FAM107B: variants seen among roughly 807,000 people sequenced by gnomAD.
FAM107B encodes family with sequence similarity 107 member B.
In FAM107B, 21 loss-of-function variants were observed where a neutral mutation model predicts 31.5. That is an observed-to-expected ratio of 0.67 (90% CI 0.47 to 0.96). The LOEUF (loss-of-function observed/expected upper bound fraction) is 0.96. FAM107B is among the 40% of genes least tolerant of loss of function. The probability of loss-of-function intolerance (pLI) is 0.00; values close to 1 mark genes in which losing one functional copy is unlikely to be tolerated. For missense variants in FAM107B, 452 were observed against 377.1 expected, an observed-to-expected ratio of 1.20 and a Z score of -1.64; for synonymous variants, 157 against 141.5, an observed-to-expected ratio of 1.11 and a Z score of -0.78.
chr10:14,553,391 T>TAG, intron 2 of FAM107B: 1 of 1,126,944 alleles, frequency 8.9e-7, no homozygotes, highest in Non-Finnish European at 1.2e-6. Context: ...CATTCTCCTT[T>TAG]AAAAAAAAAA....
At chr10:14,554,509 G>C (rs1318609420) in intron 2 of FAM107B, among the ~76,000 whole-genome samples, 1 of 152,216 alleles carries the variant, frequency 6.6e-6, no homozygotes, top group African/African-American at 2.4e-5. Flanking sequence ...GCAGGAGAGG[G>C]ATGAAGGCTG....
intron 3 of FAM107B, among the ~76,000 whole-genome samples, chr10:14,524,085 A>AGGAT (rs1231032734): frequency 1.4e-5 from 2 of 147,564 alleles, no homozygotes; most frequent in Non-Finnish European, 3.0e-5. Context: ...CTTGTTGCCC[A>AGGAT]GGATGGAGTG....
rs35540585 is a variant in FAM107B at position 14,595,422 on chromosome 10, C to CTTTTTTTTTTTTTTTT, written c.470-64923_470-64908dup. ...TGGCTCAGCTTCTTCCTAGGGCAACCTTTTTTTTTTTTTTTTTTTTTGAGA... is the reference window on the plus strand; with the variant it reads ...TGGCTCAGCTTCTTCCTAGGGCAACCTTTTTTTTTTTTTTTTTTTTTTTTTTTTTTTTTTTTTGAGA... On this transcript the variant is annotated intron_variant, in intron 2 of 4. Transcript: ENST00000181796. Among the ~76,000 whole-genome samples, 2 of 98,148 alleles carry CTTTTTTTTTTTTTTTT rather than the reference C, an allele frequency of 2.0e-5. 1 individual carries two copies. The highest frequency in any genetic ancestry group is 3.9e-5 in the Non-Finnish European group (2 of 51,246). 64.4% of individuals were successfully genotyped at this position (98,148 alleles called of 152,430 possible).
chr10:14,667,901 GAC>G (rs146093130), intron 1 of FAM107B, among the ~76,000 whole-genome samples: 10,302 of 152,216 alleles, frequency 0.068, 418 homozygotes, highest in South Asian at 0.16. Flanking sequence ...GGCGTTGGGT[GAC>G]ACAACTCCAG....
chr10:14,651,070 T>G (rs1588683129), intron 2 of FAM107B, among the ~76,000 whole-genome samples: 2 of 152,158 alleles, frequency 1.3e-5, no homozygotes, highest in Non-Finnish European at 2.9e-5. Context: ...TGAGACAACC[T>G]CCAAATTAAG....
chr10:14,684,921 A>C (rs1358712906), intron 1 of FAM107B, among the ~76,000 whole-genome samples: 1 of 151,844 alleles, frequency 6.6e-6, no homozygotes, highest in Non-Finnish European at 1.5e-5. Context: ...CCGGGGCTCA[A>C]GTGATCCTCC....
At chr10:14,549,140 T>C (rs1303754897) in intron 2 of FAM107B, among the ~76,000 whole-genome samples, 2 of 152,318 alleles carry the variant, frequency 1.3e-5, no homozygotes, top group East Asian at 3.9e-4. Context: ...CTAGGACTTC[T>C]AGCCTCCACA....
intron 2 of FAM107B, among the ~76,000 whole-genome samples, chr10:14,567,511 C>A (rs572290507): frequency 6.6e-6 from 1 of 152,050 alleles, no homozygotes; most frequent in Non-Finnish European, 1.5e-5. Flanking sequence ...AGTGTTGAGG[C>A]CCTGGTGAGG....
chr10:14,530,402 G>A lies in FAM107B; in HGVS notation c.583C>T (p.Leu195=), dbSNP rs764365225. Residue 195 remains leucine (L), a synonymous_variant, in exon 3 of 5, where the codon CTG becomes TTG. Transcript: ENST00000181796. ...CGGGAGGTTTTTACAGGATTGATCA[G>A]TTTCTGAGGCCTAATGAGTTCAGGA... ...DNPELIRPQK[L]INPVKTSRNH... 6.2e-7 allele frequency: 1 copy of A among 1,614,116 alleles called. No homozygotes were observed.
chr10:14,631,220 A>G (rs1048077980), intron 2 of FAM107B, among the ~76,000 whole-genome samples: 1 of 152,088 alleles, frequency 6.6e-6, no homozygotes, highest in African/African-American at 2.4e-5. Context: ...GCAGCATCCT[A>G]TCATCCCTTC....
In FAM107B at chr10:14,682,763, GA is replaced by G. The variant is rs1854869175; in HGVS notation, c.412-15073del. ...TCAGGGGGTCGAGAGCTAGGGGAGG[GA>G]TAGCATTAGGAGAAATACCTAATGT... On this transcript the variant is annotated intron_variant, in intron 1 of 4. Coordinates refer to ENST00000181796, the MANE Select transcript of FAM107B (RefSeq NM_031453.4). 2.0e-5 allele frequency among the ~76,000 whole-genome samples: 3 copies of G among 152,138 alleles called. No homozygotes were observed. In the South Asian group the frequency reaches 6.2e-4, roughly 32 times the overall value.
At chr10:14,688,489 G>A (rs892313612) in intron 1 of FAM107B, among the ~76,000 whole-genome samples, 10 of 151,942 alleles carry the variant, frequency 6.6e-5, no homozygotes, top group Admixed American at 2.0e-4. Flanking sequence ...ATAAATACAC[G>A]TACACACAAC....
Position 14,569,989 on chromosome 10 carries a change from A to C in FAM107B, c.470-39474T>G, listed in dbSNP as rs559417429. ...TCAGTCGCTTTTCTAAAACAGAGCT[A>C]CCAATAAATATATAAATCACTGTCA... On this transcript the variant is annotated intron_variant, in intron 2 of 4. Coordinates refer to ENST00000181796, the MANE Select transcript of FAM107B (RefSeq NM_031453.4). 2.0e-5 allele frequency among the ~76,000 whole-genome samples: 3 copies of C among 152,348 alleles called. No homozygotes were observed. In the South Asian group the frequency reaches 6.2e-4, roughly 32 times the overall value.
At chr10:14,729,688 G>A (rs1296432456) in intron 1 of FAM107B, among the ~76,000 whole-genome samples, 1 of 152,154 alleles carries the variant, frequency 6.6e-6, no homozygotes, top group Non-Finnish European at 1.5e-5. Flanking sequence ...CCATTACTGG[G>A]TATATACCCA....
chr10:14,696,829 G>C (rs1347103378), intron 1 of FAM107B, among the ~76,000 whole-genome samples: 1 of 152,172 alleles, frequency 6.6e-6, no homozygotes, highest in Admixed American at 6.5e-5. Flanking sequence ...GGATGAGGGA[G>C]CAGACCCCGA....
chr10:14,599,723 G>A (rs929754708), intron 2 of FAM107B, among the ~76,000 whole-genome samples: 24 of 152,064 alleles, frequency 1.6e-4, no homozygotes, highest in Middle Eastern at 3.4e-3. Context: ...TAGAATCTGC[G>A]GCTGAATAAT....
At chr10:14,542,440 T>C (rs1848302612) in intron 2 of FAM107B, 1 of 152,116 alleles carries the variant, frequency 6.6e-6, no homozygotes, top group Non-Finnish European at 1.5e-5. Flanking sequence ...GAAGTCTGAT[T>C]CTATTAAAAT....
At chr10:14,589,701 C>T (rs558644743) in intron 2 of FAM107B, among the ~76,000 whole-genome samples, 114 of 151,970 alleles carry the variant, frequency 7.5e-4, no homozygotes, top group Admixed American at 1.4e-3. Flanking sequence ...CAAATGTATG[C>T]GGGGCTTAAA....
intron 2 of FAM107B, chr10:14,571,721 A>G (rs927176210): frequency 6.3e-6 from 6 of 952,072 alleles, no homozygotes; most frequent in Non-Finnish European, 7.5e-6. Flanking sequence ...GAAGGACTAC[A>G]TTATTCAACA....
Sources: allele counts gnomAD v4.1 joint callset (sites outside exome capture counted in the v4.1 genomes callset), GRCh38; gene constraint gnomAD v4.1.1; transcripts MANE v1.5; gene names NCBI Gene and HGNC (gene_info 2026-07-23, HGNC 2026-07-21).